Variants in LRRC37A2 observed in about 807,000 individuals in gnomAD.
LRRC37A2 encodes leucine-rich repeat-containing protein 37A2.
LRRC37A2 carries 9 observed loss-of-function variants against 68.8 expected under a neutral mutation model. The ratio of observed to expected loss-of-function variants is 0.13; its 90% CI spans 0.08 to 0.23. The LOEUF is 0.23. Ranked by LOEUF, LRRC37A2 falls within the 10% of genes least tolerant of loss-of-function variation. The probability of loss-of-function intolerance (pLI) is 1.00; values close to 1 mark genes in which losing one functional copy is unlikely to be tolerated. For synonymous variants in LRRC37A2, 63 were observed against 367.6 expected, an observed-to-expected ratio of 0.17 and a Z score of 9.48; for missense variants, 168 against 950.4, an observed-to-expected ratio of 0.18 and a Z score of 10.82.
At chr17:46,744,762 C>T in the LRRC37A2 span, among the ~76,000 whole-genome samples, 1 of 152,154 alleles carries the variant, frequency 6.6e-6, no homozygotes, top group Admixed American at 6.5e-5. Context: ...GCTTAGTACT[C>T]GCTCATTCTT....
At chr17:46,874,931 A>G in the LRRC37A2 span, 11 of 1,024,594 alleles carry the variant, frequency 1.1e-5, no homozygotes, top group Non-Finnish European at 1.5e-5. Context: ...GGCAGTTGAC[A>G]GGGAGACCCA....
At chr17:46,997,148 C>T in the LRRC37A2 span, among the ~76,000 whole-genome samples, 147 of 152,182 alleles carry the variant, frequency 9.7e-4, no homozygotes, top group African/African-American at 3.3e-3. Context: ...CTCAGGAGTT[C>T]GAGACCAGCC....
At chr17:46,792,907 C>G in the LRRC37A2 span, among the ~76,000 whole-genome samples, 1 of 151,858 alleles carries the variant, frequency 6.6e-6, no homozygotes, top group Admixed American at 6.6e-5. Flanking sequence ...GACATGGGCT[C>G]AGAGAGGCCA....
the LRRC37A2 span, among the ~76,000 whole-genome samples, chr17:46,950,610 A>G: frequency 1.3e-5 from 2 of 152,228 alleles, no homozygotes; most frequent in East Asian, 3.9e-4. Context: ...AATTTCCACC[A>G]TGTGAACTTA....
the LRRC37A2 span, chr17:46,851,696 G>A: frequency 3.8e-6 from 5 of 1,305,692 alleles, no homozygotes; most frequent in South Asian, 2.4e-5. The surrounding 1 kb of genome is among the most constrained non-coding windows in gnomAD (Gnocchi z 4.3). Flanking sequence ...GCTGCCCGCC[G>A]CCGCCGCCTC....
At chr17:46,936,222 T>C in the LRRC37A2 span, 12 of 985,316 alleles carry the variant, frequency 1.2e-5, no homozygotes, top group Non-Finnish European at 1.4e-5. Context: ...AGTCTGCCCT[T>C]TCTTTAGAAA....
At chr17:46,892,826 C>A in the LRRC37A2 span, among the ~76,000 whole-genome samples, 1 of 152,198 alleles carries the variant, frequency 6.6e-6, no homozygotes, top group Admixed American at 6.5e-5. Context: ...TGATGTAGAT[C>A]ATCAAATATA....
the LRRC37A2 span, among the ~76,000 whole-genome samples, chr17:46,805,409 C>T: frequency 6.6e-6 from 1 of 151,884 alleles, no homozygotes; most frequent in African/African-American, 2.4e-5. Flanking sequence ...CCCATCTCTA[C>T]TAAAAATACA....
the LRRC37A2 span, chr17:46,937,588 T>G: frequency 2.0e-5 from 3 of 152,218 alleles, no homozygotes; most frequent in African/African-American, 7.2e-5. Context: ...CCCTTCCCAG[T>G]CAGTTGACCC....
At chr17:46,730,874 T>C in the LRRC37A2 span, among the ~76,000 whole-genome samples, 1 of 152,162 alleles carries the variant, frequency 6.6e-6, no homozygotes, top group East Asian at 1.9e-4. Flanking sequence ...ACTCATTGCA[T>C]ACCTGCTAGA....
chr17:46,930,037 G>GTT, the LRRC37A2 span: 73 of 144,692 alleles, frequency 5.0e-4, no homozygotes, highest in East Asian at 1.8e-3. Context: ...CTGGTTTTTT[G>GTT]TTTTTTTTCA....
At chr17:46,892,435 C>T in the LRRC37A2 span, among the ~76,000 whole-genome samples, 1 of 152,214 alleles carries the variant, frequency 6.6e-6, no homozygotes, top group East Asian at 1.9e-4. Context: ...GCCAGTCCTA[C>T]TGACAATGAC....
At chr17:46,985,380 C>T in the LRRC37A2 span, among the ~76,000 whole-genome samples, 2 of 152,010 alleles carry the variant, frequency 1.3e-5, no homozygotes, top group Admixed American at 6.6e-5. Flanking sequence ...ATTAGCTGGG[C>T]GTGGTGGTGC....
At chr17:46,750,040 G>A in the LRRC37A2 span, 146 of 980,504 alleles carry the variant, frequency 1.5e-4, 1 homozygote, top group African/African-American at 2.2e-3. Flanking sequence ...ATTACAGGTT[G>A]TATATACCTT....
the LRRC37A2 span, chr17:46,965,102 T>C: frequency 2.1e-4 from 32 of 152,316 alleles, no homozygotes; most frequent in African/African-American, 6.5e-4. Flanking sequence ...ATCACATTTT[T>C]AGAAGTGGAG....
chr17:46,878,368 C>T, the LRRC37A2 span, among the ~76,000 whole-genome samples: 1 of 152,378 alleles, frequency 6.6e-6, no homozygotes, highest in East Asian at 1.9e-4. Context: ...CCCTGGCCAA[C>T]TCCCTGAGAC....
chr17:46,810,613 C>A, the LRRC37A2 span, among the ~76,000 whole-genome samples: 1 of 152,158 alleles, frequency 6.6e-6, no homozygotes. Context: ...GAGACTCATC[C>A]ACTGTCTCAC....
the LRRC37A2 span, chr17:46,940,953 C>G: frequency 3.2e-6 from 4 of 1,243,056 alleles, no homozygotes; most frequent in Non-Finnish European, 4.1e-6. Flanking sequence ...GTGTGACTCT[C>G]TCCACCGCCT....
the LRRC37A2 span, among the ~76,000 whole-genome samples, chr17:46,444,549 C>T: frequency 5.9e-5 from 5 of 84,326 alleles, no homozygotes; most frequent in East Asian, 2.9e-4. Flanking sequence ...GGATTACAGG[C>T]GTGAGCCACC....
Sources: gnomAD v4.1 joint callset for allele counts (sites outside exome capture counted in the v4.1 genomes callset) on GRCh38, gnomAD v4.1.1 for gene constraint, Gnocchi (gnomAD v3.1) non-coding constraint, MANE v1.5 for transcripts, NCBI Gene and HGNC (gene_info 2026-07-23, HGNC 2026-07-21) for gene names.